The following NEDD4 variants were observed in gnomAD, a reference collection of about 807,000 sequenced individuals.
The protein encoded by NEDD4 is E3 ubiquitin-protein ligase NEDD4.
A neutral mutation model predicts 144.9 loss-of-function variants in NEDD4; 99 were observed. The ratio of observed to expected loss-of-function variants is 0.68; its 90% CI spans 0.58 to 0.81. NEDD4 has a LOEUF of 0.81. Ranked by LOEUF, NEDD4 falls within the 30% of genes least tolerant of loss-of-function variation. The probability of loss-of-function intolerance (pLI) is 0.00; values close to 1 mark genes in which losing one functional copy is unlikely to be tolerated. For synonymous variants in NEDD4, 318 were observed against 350.6 expected (o/e 0.91, Z 1.04); for missense variants, 985 against 1,065.9 (o/e 0.92, Z 1.06).
chr15:55,985,760 T>G (rs75137931), intron 1 of NEDD4, among the ~76,000 whole-genome samples: 5 of 148,436 alleles, frequency 3.4e-5, no homozygotes, highest in Admixed American at 6.7e-5. Flanking sequence ...AGAGTACACA[T>G]ACACACACAC....
At chr15:55,969,749 A>G (rs1029809187) in intron 1 of NEDD4, among the ~76,000 whole-genome samples, 2 of 152,062 alleles carry the variant, frequency 1.3e-5, no homozygotes, top group African/African-American at 4.8e-5. Flanking sequence ...CCTTGAATAA[A>G]CATCGGGGTA....
At chr15:55,967,093 T>A (rs2037525671) in intron 1 of NEDD4, among the ~76,000 whole-genome samples, 2 of 152,128 alleles carry the variant, frequency 1.3e-5, no homozygotes, top group Non-Finnish European at 2.9e-5. Context: ...CACCATTGGC[T>A]GGGCTGGTCT....
rs539046971 is a variant in NEDD4, at chr15:55,836,871, T to C, written c.2262+918A>G. ...ATAAGGTCTCCCTATGTTGTCCACG[T>C]TGGTCTCGAACTCCTGGGCTCAAGC... On this transcript the variant is annotated intron_variant, in intron 24 of 28. Transcript: ENST00000435532. Among the ~76,000 whole-genome samples, 155 of 151,282 alleles carry C rather than the reference T, an allele frequency of 1.0e-3. 1 individual carries two copies. The highest frequency in any genetic ancestry group is 3.6e-3 in the African/African-American group (147 of 41,246).
At chr15:55,956,667 T>C (rs2037343454) in intron 2 of NEDD4, among the ~76,000 whole-genome samples, 1 of 152,176 alleles carries the variant, frequency 6.6e-6, no homozygotes. Context: ...CACTGAACAA[T>C]ATATCTATTC....
Position 55,860,737 on chromosome 15 carries a change from T to C in NEDD4, c.716A>G (p.Gln239Arg), listed in dbSNP as rs545405273. The C allele has an allele frequency of 6.2e-7, 1 of 1,614,212 alleles. No homozygotes were observed. The highest frequency in any genetic ancestry group is 1.3e-5 in the African/African-American group (1 of 75,066). Residue 239 changes from glutamine (Q) to arginine (R), a missense_variant, in exon 10 of 29, where the codon CAA becomes CGA. Transcript: ENST00000435532. ...TDAENGNIQL[Q>R]AQRAFTTRRQ... ...CCTGGTGGTAAATGCACGTTGTGCT[T>C]GCAGTTGAATGTTGCCATTCTCAGC...
At chr15:55,961,296 C>CTT (rs1365572858) in intron 2 of NEDD4, among the ~76,000 whole-genome samples, 18 of 151,798 alleles carry the variant, frequency 1.2e-4, no homozygotes, top group Admixed American at 1.1e-3. Context: ...ATGTGAGAGA[C>CTT]TTCAAGACTG....
chr15:55,922,523 T>C lies in NEDD4; in HGVS notation c.291+2123A>G, dbSNP rs142518019. 6.0e-4 allele frequency among the ~76,000 whole-genome samples: 91 copies of C among 152,188 alleles called. No individual in the cohort carries two copies. The East Asian group carries it at 0.015, about 26-fold the overall frequency. On this transcript the variant is annotated intron_variant, in intron 5 of 28. Coordinates refer to ENST00000435532, the MANE Select transcript of NEDD4 (RefSeq NM_006154.4). ...GACTACAGGTGCCCACCATCACGCC[T>C]AACTAATTTTTGTATTTTTATTACA... is the stretch of plus-strand genomic sequence containing the variant.
At chr15:55,858,860 G>A (rs1408980697) in intron 11 of NEDD4, among the ~76,000 whole-genome samples, 2 of 152,214 alleles carry the variant, frequency 1.3e-5, no homozygotes, top group African/African-American at 4.8e-5. Context: ...GGTTGCTGCT[G>A]TAACTACTTT....
intron 1 of NEDD4, among the ~76,000 whole-genome samples, chr15:55,990,072 C>T (rs2037964621): frequency 6.6e-6 from 1 of 151,602 alleles, no homozygotes; most frequent in South Asian, 2.1e-4. Flanking sequence ...TCCCTGTCTC[C>T]CATTACCGTC....
chr15:55,855,721 G>T (rs1595754331), intron 12 of NEDD4, among the ~76,000 whole-genome samples: 1 of 152,236 alleles, frequency 6.6e-6, no homozygotes, highest in Non-Finnish European at 1.5e-5. Context: ...TGCCGGGCAT[G>T]TGAATGCCAG....
chr15:55,971,212 T>C (rs80171128), intron 1 of NEDD4, among the ~76,000 whole-genome samples: 4,777 of 152,134 alleles, frequency 0.031, 81 homozygotes, highest in Non-Finnish European at 0.035. Context: ...AAGAAAGAAT[T>C]AGCGAGCTTG....
chr15:55,875,105 A>G (rs2034948058), intron 5 of NEDD4, among the ~76,000 whole-genome samples: 1 of 152,108 alleles, frequency 6.6e-6, no homozygotes, highest in African/African-American at 2.4e-5. Flanking sequence ...ATAAAAAAAA[A>G]AACCCAGTAG....
At chr15:55,890,411 G>C (rs1259746841) in intron 5 of NEDD4, among the ~76,000 whole-genome samples, 1 of 152,056 alleles carries the variant, frequency 6.6e-6, no homozygotes, top group South Asian at 2.1e-4. Context: ...TGTCTTTATG[G>C]ATTTGCCTAT....
chr15:55,864,905 A>T (rs2034533587), intron 8 of NEDD4, among the ~76,000 whole-genome samples: 1 of 152,106 alleles, frequency 6.6e-6, no homozygotes, highest in South Asian at 2.1e-4. Flanking sequence ...ACTCAACTTT[A>T]TAGGAATTCC....
chr15:55,834,304 T>G lies in NEDD4; in HGVS notation c.2263-18A>C, dbSNP rs1037633704. 31 of 1,564,514 alleles carry G rather than the reference T, an allele frequency of 2.0e-5. No individual in the cohort carries two copies. The highest frequency in any genetic ancestry group is 2.7e-5 in the Non-Finnish European group (31 of 1,138,388). The stretch of plus-strand genomic sequence containing the variant: ...AAGAATCCCTAGAAAAAAGATGTAT[T>G]TAAAAACTTGATGGGCAGGGCCAAT... On this transcript the variant is annotated intron_variant, in intron 24 of 28. Coordinates refer to ENST00000435532, the MANE Select transcript of NEDD4 (RefSeq NM_006154.4).
At chr15:55,875,116 G>A (rs11635063) in intron 5 of NEDD4, among the ~76,000 whole-genome samples, 32,603 of 151,094 alleles carry the variant, frequency 0.22, 3,821 homozygotes, top group Non-Finnish European at 0.26. Flanking sequence ...AACCCAGTAG[G>A]AAGAGAAAAA....
intron 5 of NEDD4, among the ~76,000 whole-genome samples, chr15:55,917,493 CAGTT>C (rs540197446): frequency 3.2e-4 from 48 of 151,138 alleles, no homozygotes; most frequent in Middle Eastern, 3.4e-3. Context: ...TGAATTCAAA[CAGTT>C]AGGTAAATTT....
intron 13 of NEDD4, among the ~76,000 whole-genome samples, chr15:55,851,626 G>T (rs1595748584): frequency 6.6e-6 from 1 of 151,888 alleles, no homozygotes; most frequent in South Asian, 2.1e-4. Flanking sequence ...ACAGGCATGC[G>T]CCACCACGCC....
At chr15:55,927,469 A>G (rs1185037880) in intron 4 of NEDD4, among the ~76,000 whole-genome samples, 1 of 152,074 alleles carries the variant, frequency 6.6e-6, no homozygotes, top group Non-Finnish European at 1.5e-5. Context: ...TAATTTTTTA[A>G]AAATTTTTGC....
Sources: gnomAD v4.1 joint callset for allele counts (sites outside exome capture counted in the v4.1 genomes callset) on GRCh38, gnomAD v4.1.1 for gene constraint, MANE v1.5 for transcripts, NCBI Gene and HGNC (gene_info 2026-07-23, HGNC 2026-07-21) for gene names.